Variants in CNTN4 observed in about 807,000 individuals in gnomAD.
CNTN4 encodes the protein contactin 4.
In CNTN4, 77 loss-of-function variants were observed where a neutral mutation model predicts 122.5. The observed-to-expected ratio is 0.63, with a 90% CI of 0.52 to 0.76. The LOEUF is 0.76. Ranked by LOEUF, CNTN4 falls within the 30% of genes least tolerant of loss-of-function variation. The pLI, the probability that CNTN4 is intolerant of heterozygous loss-of-function variation, is 0.00. For missense variants in CNTN4, 1,256 were observed against 1,259.1 expected (o/e 1.00, Z 0.04); for synonymous variants, 512 against 447.0 (o/e 1.15, Z -1.83).
intron 4 of CNTN4, among the ~76,000 whole-genome samples, chr3:2,700,630 A>G (rs2086300770): frequency 1.4e-5 from 2 of 139,436 alleles, no homozygotes; most frequent in African/African-American, 5.4e-5. Flanking sequence ...TCACTGAGAT[A>G]GAGTTAAAAT....
intron 3 of CNTN4, among the ~76,000 whole-genome samples, chr3:2,402,758 T>C (rs957770853): frequency 6.6e-6 from 1 of 152,112 alleles, no homozygotes; most frequent in Non-Finnish European, 1.5e-5. Context: ...TTATAAAATA[T>C]AGTAATAGCA....
rs998670630 is a variant in CNTN4, at chr3:2,194,307, AC to A, written c.-145+93669del. On this transcript the variant is annotated intron_variant, in intron 2 of 24. Coordinates refer to ENST00000418658, the MANE Select transcript of CNTN4 (RefSeq NM_175607.3). ...AAAGAGATCCCATCTCTTAAAAAAAACAAATTAGCCAGGTGTGGTGGTGTGC... is the reference window on the plus strand; with the variant it reads ...AAAGAGATCCCATCTCTTAAAAAAAAAAATTAGCCAGGTGTGGTGGTGTGC... Among the ~76,000 whole-genome samples the A allele has an allele frequency of 7.9e-5, 12 of 152,076 alleles. 1 individual carries two copies. Among genetic ancestry groups the A allele is most frequent in the Middle Eastern group, 3.4e-3 (1 of 294 alleles).
At chr3:2,948,440 G>A (rs866595324) in intron 13 of CNTN4, among the ~76,000 whole-genome samples, 4 of 152,186 alleles carry the variant, frequency 2.6e-5, no homozygotes, top group African/African-American at 9.7e-5. Context: ...GAGGCAAGTG[G>A]TGGTGGTAAC....
At chr3:2,864,502 G>T (rs892767518) in intron 7 of CNTN4, among the ~76,000 whole-genome samples, 1 of 152,026 alleles carries the variant, frequency 6.6e-6, no homozygotes, top group Non-Finnish European at 1.5e-5. Context: ...ACTTTGTGGG[G>T]CCGAGGAGGG....
rs2038625083 is a variant in CNTN4 at position 2,211,676 on chromosome 3, A to AT, written c.-145+111045dup. Among the ~76,000 whole-genome samples the AT allele has an allele frequency of 3.9e-5, 6 of 152,028 alleles. No individual in the cohort carries two copies. The South Asian group carries it at 1.0e-3, about 26-fold the overall frequency. On this transcript the variant is annotated intron_variant, in intron 2 of 24. Transcript: ENST00000418658. ...TTCCTCACATTGAATTTAAATTTTT[A>AT]TTTTTTTTCTTGGTTGTTAGTTTAA...
chr3:2,364,915 ATAATAT>A (rs1218123985), intron 3 of CNTN4, among the ~76,000 whole-genome samples: 4 of 152,308 alleles, frequency 2.6e-5, no homozygotes, highest in African/African-American at 7.2e-5. Flanking sequence ...AGTCCACAAG[ATAATAT>A]TAATAATAGT....
chr3:2,198,765 C>T (rs190136493), intron 2 of CNTN4, among the ~76,000 whole-genome samples: 1 of 152,172 alleles, frequency 6.6e-6, no homozygotes, highest in Admixed American at 6.6e-5. Context: ...CTGCCCATTA[C>T]ACTTTATTTG....
intron 7 of CNTN4, among the ~76,000 whole-genome samples, chr3:2,832,585 T>C (rs4685567): frequency 0.65 from 99,169 of 151,974 alleles, 32,808 homozygotes; most frequent in East Asian, 0.86. Context: ...ACAGAACAGC[T>C]GTATGTAAGT....
intron 4 of CNTN4, among the ~76,000 whole-genome samples, chr3:2,633,401 C>G (rs934947170): frequency 6.6e-5 from 10 of 152,136 alleles, no homozygotes; most frequent in African/African-American, 2.2e-4. Flanking sequence ...AAATTCTGCT[C>G]CTGTACATGT....
chr3:2,434,981 A>AC (rs2048208914), intron 3 of CNTN4, among the ~76,000 whole-genome samples: 1 of 152,166 alleles, frequency 6.6e-6, no homozygotes, highest in South Asian at 2.1e-4. Flanking sequence ...ATTCTCTTAT[A>AC]CCACAAGAAG....
chr3:2,362,562 TGAA>T (rs1262913283), intron 3 of CNTN4: 7 of 602,804 alleles, frequency 1.2e-5, no homozygotes, highest in Admixed American at 2.0e-5. Flanking sequence ...TTAACCAGGC[TGAA>T]GAAGAAGACA....
chr3:2,167,728 G>A (rs1016312442), intron 2 of CNTN4, among the ~76,000 whole-genome samples: 1 of 152,108 alleles, frequency 6.6e-6, no homozygotes, highest in Admixed American at 6.5e-5. Context: ...AAAAGTAAAT[G>A]AAAACATTCG....
intron 3 of CNTN4, among the ~76,000 whole-genome samples, chr3:2,369,281 T>G (rs1017529611): frequency 6.6e-6 from 1 of 152,208 alleles, no homozygotes; most frequent in African/African-American, 2.4e-5. Flanking sequence ...TTTTGAGTTT[T>G]GGAAAGCTAA....
At chr3:2,214,377 T>C (rs1340889294) in intron 2 of CNTN4, among the ~76,000 whole-genome samples, 1 of 152,196 alleles carries the variant, frequency 6.6e-6, no homozygotes, top group Non-Finnish European at 1.5e-5. Flanking sequence ...TATGTCTTCA[T>C]GGTAGTCATC....
At chr3:2,170,925 G>C (rs913018667) in intron 2 of CNTN4, among the ~76,000 whole-genome samples, 1 of 152,082 alleles carries the variant, frequency 6.6e-6, no homozygotes, top group African/African-American at 2.4e-5. Flanking sequence ...TTAATACTTA[G>C]ATCAATACCA....
chr3:2,609,407 G>A (rs1276442574), intron 4 of CNTN4, among the ~76,000 whole-genome samples: 1 of 152,090 alleles, frequency 6.6e-6, no homozygotes, highest in African/African-American at 2.4e-5. Flanking sequence ...CTTTATCCTG[G>A]ACTTCCCAGC....
At chr3:2,121,978 C>G (rs113531200) in intron 2 of CNTN4, among the ~76,000 whole-genome samples, 34,199 of 151,670 alleles carry the variant, frequency 0.23, 4,773 homozygotes, top group Admixed American at 0.33. Flanking sequence ...ACGGTGAAAC[C>G]CCGTCTCTAC....
chr3:2,561,293 C>T (rs948900225), intron 3 of CNTN4, among the ~76,000 whole-genome samples: 4 of 152,246 alleles, frequency 2.6e-5, no homozygotes, highest in South Asian at 2.1e-4. Flanking sequence ...AGCACACCAG[C>T]GAGCAGAAGG....
intron 12 of CNTN4, among the ~76,000 whole-genome samples, chr3:2,911,768 G>A (rs2094302590): frequency 6.6e-6 from 1 of 152,066 alleles, no homozygotes; most frequent in Non-Finnish European, 1.5e-5. Flanking sequence ...TGGAGGTGAA[G>A]AATATAGTAA....
Sources: allele counts gnomAD v4.1 joint callset (sites outside exome capture counted in the v4.1 genomes callset), GRCh38; gene constraint gnomAD v4.1.1; transcripts MANE v1.5; gene names NCBI Gene and HGNC (gene_info 2026-07-23, HGNC 2026-07-21).